The following ZNF462 variants were observed in gnomAD, a reference collection of about 807,000 sequenced individuals.
The protein encoded by ZNF462 is zinc finger protein 462, also known as zinc finger PBX1-interacting protein.
A neutral mutation model predicts 201.9 loss-of-function variants in ZNF462; 10 were observed. That is an observed-to-expected ratio of 0.05 (90% CI 0.03 to 0.08). The LOEUF (loss-of-function observed/expected upper bound fraction) is 0.08, where lower values mean the gene tolerates loss of function less well. Among genes scored for constraint, ZNF462 ranks in the 10% least tolerant of loss-of-function variants. The pLI is 1.00. For synonymous variants in ZNF462, 1,227 were observed against 1,193.3 expected (o/e 1.03, Z -0.58); for missense variants, 2,523 against 3,168.3 (o/e 0.80, Z 4.89).
Position 106,883,039 on chromosome 9 carries a change from T to C in ZNF462, c.-31+19684T>C, listed in dbSNP as rs796740287. Among the ~76,000 whole-genome samples the C allele has an allele frequency of 5.9e-5, 9 of 152,348 alleles. No homozygotes were observed. The highest frequency in any genetic ancestry group is 2.2e-4 in the African/African-American group (9 of 41,578). On this transcript the variant is annotated intron_variant, in intron 1 of 12. Coordinates refer to ENST00000277225, the MANE Select transcript of ZNF462 (RefSeq NM_021224.6). This position sits in a 1 kb window ranked among gnomAD's most constrained non-coding sequence, Gnocchi z 4.9. ...AAACATCCTTCTTCACCTTTGACTTTAGTTCTTGAACATTTCAATGGAATG... is the reference window on the plus strand; with the variant it reads ...AAACATCCTTCTTCACCTTTGACTTCAGTTCTTGAACATTTCAATGGAATG...
rs1216150605 is a variant in ZNF462, at chr9:107,013,414, C to T, written c.*2384C>T. On this transcript the variant is annotated 3_prime_UTR_variant, in exon 13 of 13. Transcript: ENST00000277225. ...TATACAGAGGACATTTTTTTCAGAG[C>T]TTGAGAGAAGAAAATAAATAGCAAA... 6.6e-6 allele frequency: 1 copy of T among 151,778 alleles called. No individual in the cohort carries two copies. The highest frequency in any genetic ancestry group is 1.5e-5 in the Non-Finnish European group (1 of 67,946). 9.4% of individuals were successfully genotyped at this position (151,778 alleles called of 1,614,324 possible).
rs567996190 is a variant in ZNF462, at chr9:107,000,168, G to A, written c.7057-3126G>A. Among the ~76,000 whole-genome samples the A allele has an allele frequency of 9.2e-5, 14 of 152,078 alleles. No homozygotes were observed. The East Asian group carries it at 1.9e-3, about 21-fold the overall frequency. The stretch of plus-strand genomic sequence containing the variant: ...GAGATGGTGGAGGCATAGACTCCTC[G>A]AGGGCCTGACATATTCCAGGACCTC... On this transcript the variant is annotated intron_variant, in intron 10 of 12. Transcript: ENST00000277225.
chr9:106,908,497 G>A (rs1441043095), intron 1 of ZNF462, among the ~76,000 whole-genome samples: 1 of 151,802 alleles, frequency 6.6e-6, no homozygotes, highest in Non-Finnish European at 1.5e-5. Context: ...CTTGGTATAT[G>A]TTTAATGATA....
rs530862808 is a variant in ZNF462 at position 107,011,051 on chromosome 9, T to C, written c.*21T>C. 2.5e-6 allele frequency: 4 copies of C among 1,610,424 alleles called. No individual in the cohort carries two copies. The African/African-American group carries it at 5.3e-5, about 21-fold the overall frequency. On this transcript the variant is annotated 3_prime_UTR_variant, in exon 13 of 13. Transcript: ENST00000277225. The surrounding 1 kb of genome is among the most constrained non-coding windows in gnomAD (Gnocchi z 5.6). ...AATGAGCGTTTGGTGAAATTCTTAA[T>C]CAAACCTTACTTGAACAGTGATGAA...
chr9:106,927,218 A>G lies in ZNF462; in HGVS notation c.3306A>G (p.Pro1102=), dbSNP rs368008742. 3 of 491,630 alleles carry G rather than the reference A, an allele frequency of 6.1e-6. No homozygotes were observed. Among genetic ancestry groups the G allele is most frequent in the Middle Eastern group, 4.9e-4 (1 of 2,026 alleles). The allele number at this position is 491,630 out of a possible 1,614,324, so 30.5% of individuals were successfully genotyped here. A position where few individuals can be genotyped will look rare whatever the true frequency, so the allele number is the denominator to read the frequency against. ...KMSNMGSPPP[P]QPPPPDLSTE... The stretch of plus-strand genomic sequence containing the variant: ...CCAACATGGGTTCCCCACCCCCCCC[A>G]CAACCCCCGCCACCAGACCTCAGTA... The change falls in exon 3 of 13, where the codon CCA becomes CCG. Residue 1102 remains proline (P), a synonymous_variant. Transcript: ENST00000277225.
intron 1 of ZNF462, among the ~76,000 whole-genome samples, chr9:106,864,858 TA>T (rs1486568061): frequency 2.0e-5 from 3 of 152,248 alleles, no homozygotes; most frequent in Non-Finnish European, 4.4e-5. Context: ...AGGAAGTGAC[TA>T]GTTTGGTTAA....
intron 7 of ZNF462, among the ~76,000 whole-genome samples, chr9:106,951,851 G>GTTTT (rs113813847): frequency 7.1e-6 from 1 of 140,562 alleles, no homozygotes. Flanking sequence ...ACAGTGTTGT[G>GTTTT]TTTTTTTTTT....
At position 106,981,935 on chromosome 9, in the gene ZNF462, T is replaced by G. The variant is rs1319173137; in HGVS notation, c.6833-2251T>G. 6.6e-6 allele frequency among the ~76,000 whole-genome samples: 1 copy of G among 151,966 alleles called. No homozygotes were observed. Among genetic ancestry groups the G allele is most frequent in the Non-Finnish European group, 1.5e-5 (1 of 67,992 alleles). On this transcript the variant is annotated intron_variant, in intron 9 of 12. Coordinates refer to ENST00000277225, the MANE Select transcript of ZNF462 (RefSeq NM_021224.6). The surrounding 1 kb of genome is among the most constrained non-coding windows in gnomAD (Gnocchi z 4.0). ...ACAGGGCAAAGCCAAAGAATGAAAG[T>G]AGAAACAGTAGAGATGATAACATAT...
intron 1 of ZNF462, among the ~76,000 whole-genome samples, chr9:106,911,317 G>A (rs1206791243): frequency 6.6e-6 from 1 of 152,124 alleles, no homozygotes; most frequent in Non-Finnish European, 1.5e-5. Flanking sequence ...AGCTATTATT[G>A]CATTCATCCA....
At chr9:106,864,039 G>GCTCGCGCGCTCTCTCTCTCT (rs1827179488) in intron 1 of ZNF462, among the ~76,000 whole-genome samples, 1 of 22,722 alleles carries the variant, frequency 4.4e-5, no homozygotes, top group African/African-American at 1.2e-4. Context: ...CAGGTATTTG[G>GCTCGCGCGCTCTCTCTCTCT]CTCTCTCTCT....
chr9:106,905,012 AC>A lies in ZNF462; in HGVS notation c.-30-18340del, dbSNP rs1050407268. ...TTGAAGAGCCTTGTTTTGTCATATTACCAGGGTTGGTTTTCTGGTTTCTTCT... is the reference window on the plus strand; with the variant it reads ...TTGAAGAGCCTTGTTTTGTCATATTACAGGGTTGGTTTTCTGGTTTCTTCT... On this transcript the variant is annotated intron_variant, in intron 1 of 12. Transcript: ENST00000277225. This position sits in a 1 kb window ranked among gnomAD's most constrained non-coding sequence, Gnocchi z 5.9. Among the ~76,000 whole-genome samples the A allele has an allele frequency of 1.3e-5, 2 of 151,934 alleles. No individual in the cohort carries two copies. Among genetic ancestry groups the A allele is most frequent in the African/African-American group, 4.8e-5 (2 of 41,324 alleles).
chr9:106,998,756 C>T (rs1828934706), intron 10 of ZNF462, among the ~76,000 whole-genome samples: 1 of 151,948 alleles, frequency 6.6e-6, no homozygotes, highest in African/African-American at 2.4e-5. Context: ...TACAGGTACC[C>T]GCCCACCACA....
chr9:106,981,845 A>C lies in ZNF462; in HGVS notation c.6833-2341A>C, dbSNP rs1400739553. ...TCTTTGAGGCGTGTGGGACATCATT[A>C]TATGAAAAATGATACCGGGCTGTTC... On this transcript the variant is annotated intron_variant, in intron 9 of 12. Transcript: ENST00000277225. The surrounding 1 kb of genome is among the most constrained non-coding windows in gnomAD (Gnocchi z 4.0). 2.0e-5 allele frequency among the ~76,000 whole-genome samples: 3 copies of C among 152,200 alleles called. No homozygotes were observed. Among genetic ancestry groups the C allele is most frequent in the Non-Finnish European group, 4.4e-5 (3 of 68,038 alleles).
rs745725409 is a variant in ZNF462 at position 106,954,492 on chromosome 9, A to G, written c.6427+15385A>G. Reference sequence around the variant, plus strand: ...TTGGGTGGGGACACAGAACCAAACCATATCAGCCTGTTTAAAAGAGGAAAA... The same window carrying G: ...TTGGGTGGGGACACAGAACCAAACCGTATCAGCCTGTTTAAAAGAGGAAAA... On this transcript the variant is annotated intron_variant, in intron 7 of 12. Transcript: ENST00000277225. This position sits in a 1 kb window ranked among gnomAD's most constrained non-coding sequence, Gnocchi z 4.0. 3.2e-4 allele frequency among the ~76,000 whole-genome samples: 49 copies of G among 151,648 alleles called. No homozygotes were observed. Among genetic ancestry groups the G allele is most frequent in the Non-Finnish European group, 6.0e-4 (41 of 67,942 alleles).
At chr9:106,971,385 A>G (rs1008478656) in intron 7 of ZNF462, among the ~76,000 whole-genome samples, 2 of 151,726 alleles carry the variant, frequency 1.3e-5, no homozygotes, top group Middle Eastern at 6.3e-3. Context: ...AAACAACAAC[A>G]ACAAAATAAA....
chr9:106,959,473 G>A (rs1831729908), intron 7 of ZNF462, among the ~76,000 whole-genome samples: 1 of 152,088 alleles, frequency 6.6e-6, no homozygotes, highest in African/African-American at 2.4e-5. Context: ...GCCCTTGGAA[G>A]CACTCACTAT....
In ZNF462 at chr9:106,978,999, A is replaced by G. The variant is rs765298641; in HGVS notation, c.6832+4726A>G. The G allele has an allele frequency of 1.8e-5, 4 of 228,104 alleles. No homozygotes were observed. The South Asian group carries it at 2.3e-4, about 13-fold the overall frequency. 14.1% of individuals were successfully genotyped at this position (228,104 alleles called of 1,614,324 possible). On this transcript the variant is annotated intron_variant, in intron 9 of 12. Coordinates refer to ENST00000277225, the MANE Select transcript of ZNF462 (RefSeq NM_021224.6). This position sits in a 1 kb window ranked among gnomAD's most constrained non-coding sequence, Gnocchi z 4.1. ...AGTAGTGCAGATCTCCCTGTGGACT[A>G]GACACCCCAATTTGGCCATCTCCTT...
chr9:106,958,736 A>G (rs1486323831), intron 7 of ZNF462, among the ~76,000 whole-genome samples: 2 of 146,530 alleles, frequency 1.4e-5, no homozygotes, highest in Non-Finnish European at 3.1e-5. Context: ...CGTGGGTAGC[A>G]GGGAGAACCA....
chr9:106,956,607 AG>A (rs1831585398), intron 7 of ZNF462, among the ~76,000 whole-genome samples: 1 of 146,802 alleles, frequency 6.8e-6, no homozygotes, highest in South Asian at 2.1e-4. Flanking sequence ...TGAAAGTCCT[AG>A]ATGGAATCTT....
Sources: gnomAD v4.1 joint callset for allele counts (sites outside exome capture counted in the v4.1 genomes callset) on GRCh38, gnomAD v4.1.1 for gene constraint, Gnocchi (gnomAD v3.1) non-coding constraint, MANE v1.5 for transcripts, NCBI Gene and HGNC (gene_info 2026-07-23, HGNC 2026-07-21) for gene names.